Variants in TTC6 observed in about 807,000 individuals in gnomAD.
TTC6 encodes the protein tetratricopeptide repeat domain 6.
TTC6 carries 172 observed loss-of-function variants against 210.4 expected under a neutral mutation model. The observed-to-expected ratio is 0.82, with a 90% confidence interval of 0.72 to 0.93. The LOEUF (loss-of-function observed/expected upper bound fraction) is 0.93. TTC6 is among the 40% of genes least tolerant of loss of function. The pLI is 0.00. For missense variants in TTC6, 2,414 were observed against 2,318.1 expected, an observed-to-expected ratio of 1.04 and a Z score of -0.85; for synonymous variants, 804 against 819.6, an observed-to-expected ratio of 0.98 and a Z score of 0.32.
At chr14:37,744,076 A>AAAG (rs1278275089) in intron 10 of TTC6, among the ~76,000 whole-genome samples, 1 of 152,230 alleles carries the variant, frequency 6.6e-6, no homozygotes, top group Non-Finnish European at 1.5e-5. Context: ...TTATCAGCTT[A>AAAG]AAGTGAAGAG....
intron 27 of TTC6, 104 bp downstream of exon 29, chr14:37,824,061 A>C: frequency 9.3e-7 from 1 of 1,072,162 alleles, no homozygotes; most frequent in Non-Finnish European, 1.4e-6. Flanking sequence ...TTGGTTATGA[A>C]CATTTACCTT....
At chr14:37,831,388 G>A (rs1226050182) in intron 29 of TTC6, among the ~76,000 whole-genome samples, 1 of 152,212 alleles carries the variant, frequency 6.6e-6, no homozygotes, top group African/African-American at 2.4e-5. Flanking sequence ...GCAAACCTGG[G>A]AGTGCAAATA....
At chr14:37,789,911 C>G (rs1033843887) in intron 15 of TTC6, among the ~76,000 whole-genome samples, 3 of 151,914 alleles carry the variant, frequency 2.0e-5, no homozygotes, top group Non-Finnish European at 4.4e-5. Flanking sequence ...AAACTTTGCA[C>G]CTTAAGGCAG....
rs139651697 is a variant in TTC6 at position 37,785,575 on chromosome 14, G to T, written c.3267-1893G>T. On this transcript the variant is annotated intron_variant, in intron 14 of 30. Transcript: ENST00000553443. The stretch of plus-strand genomic sequence containing the variant: ...CTTTGGGTTTGAATATCCTCCTTTA[G>T]CTCAGAGAAGTTTGTTTTTACCGAT... Among the ~76,000 whole-genome samples, 102 of 152,272 alleles carry T rather than the reference G, an allele frequency of 6.7e-4. 2 individuals carry two copies. The East Asian group carries it at 0.017, about 25-fold the overall frequency.
At chr14:37,760,389 C>A (rs774803752) in intron 14 of TTC6, among the ~76,000 whole-genome samples, 7 of 152,164 alleles carry the variant, frequency 4.6e-5, no homozygotes, top group Non-Finnish European at 7.4e-5. Context: ...CCCAGAGGGG[C>A]ACTGGCCTGA....
intron 1 of TTC6, among the ~76,000 whole-genome samples, chr14:37,661,244 G>A (rs2095736746): frequency 6.6e-6 from 1 of 151,984 alleles, no homozygotes; most frequent in Admixed American, 6.6e-5. Flanking sequence ...TCATGTCTTT[G>A]CCATACAATC....
At chr14:37,738,486 T>C (rs1000960970) in intron 9 of TTC6, among the ~76,000 whole-genome samples, 1 of 152,060 alleles carries the variant, frequency 6.6e-6, no homozygotes, top group African/African-American at 2.4e-5. Flanking sequence ...GAGAGCATTC[T>C]CTTTCAATTA....
chr14:37,688,367 G>A (rs1166834686), intron 3 of TTC6, among the ~76,000 whole-genome samples: 1 of 152,130 alleles, frequency 6.6e-6, no homozygotes, highest in Non-Finnish European at 1.5e-5. Context: ...GGGTCTGAGC[G>A]AATTTGCTGC....
At chr14:37,755,269 T>C (rs1279482869) in intron 14 of TTC6, among the ~76,000 whole-genome samples, 1 of 152,228 alleles carries the variant, frequency 6.6e-6, no homozygotes, top group Non-Finnish European at 1.5e-5. Context: ...TTGTAGATTC[T>C]GGATATTAGA....
exon 10 of TTC6, chr14:37,738,964 C>T (rs1459694542): frequency 1.3e-6 from 2 of 1,535,370 alleles, no homozygotes; most frequent in Admixed American, 2.0e-5. Context: ...TAGATGACAT[C>T]TTTGATAACA....
chr14:37,702,943 AC>A (rs1345779752), intron 5 of TTC6, among the ~76,000 whole-genome samples: 10 of 152,162 alleles, frequency 6.6e-5, no homozygotes, highest in Non-Finnish European at 1.5e-4. Context: ...ATAATTTTAT[AC>A]ATCTGAAGTC....
chr14:37,799,933 C>G (rs527584891), intron 20 of TTC6, among the ~76,000 whole-genome samples: 8 of 152,254 alleles, frequency 5.3e-5, no homozygotes, highest in African/African-American at 1.9e-4. Flanking sequence ...TCTGCTTGTT[C>G]GTCAACAATA....
intron 14 of TTC6, among the ~76,000 whole-genome samples, chr14:37,782,677 G>A (rs911709025): frequency 6.6e-6 from 1 of 152,178 alleles, no homozygotes; most frequent in African/African-American, 2.4e-5. Context: ...GAATAGGAGT[G>A]ATGAGAGAGG....
chr14:37,627,562 T>G (rs2095662471), intron 1 of TTC6, among the ~76,000 whole-genome samples: 1 of 152,172 alleles, frequency 6.6e-6, no homozygotes, highest in African/African-American at 2.4e-5. Flanking sequence ...TGTTTGCTTT[T>G]CTGTTCATGT....
chr14:37,825,254 T>C (rs914166111), intron 27 of TTC6, among the ~76,000 whole-genome samples: 2 of 152,198 alleles, frequency 1.3e-5, no homozygotes, highest in African/African-American at 4.8e-5. Flanking sequence ...ATCCTAATAA[T>C]CTAATCTCAA....
intron 1 of TTC6, among the ~76,000 whole-genome samples, chr14:37,599,876 C>T (rs2095612130): frequency 6.6e-6 from 1 of 152,112 alleles, no homozygotes. Flanking sequence ...CGCGGCCGCG[C>T]GCGTCTCCCG....
chr14:37,725,889 C>A (rs1235693677), intron 7 of TTC6, among the ~76,000 whole-genome samples: 1 of 151,892 alleles, frequency 6.6e-6, no homozygotes, highest in African/African-American at 2.4e-5. Context: ...ATGTGGTAAT[C>A]TTTTTCCTTC....
At chr14:37,691,001 A>G (rs575900533) in intron 3 of TTC6, among the ~76,000 whole-genome samples, 77 of 152,262 alleles carry the variant, frequency 5.1e-4, no homozygotes, top group Admixed American at 4.1e-3. Flanking sequence ...CATTAAAAAA[A>G]CCCCACCAAT....
intron 1 of TTC6, among the ~76,000 whole-genome samples, chr14:37,677,724 T>G (rs928154802): frequency 6.6e-6 from 1 of 152,078 alleles, no homozygotes; most frequent in Non-Finnish European, 1.5e-5. Context: ...TTTATTTCAG[T>G]TTTATTTCTC....
Sources: gnomAD v4.1 joint callset for allele counts (sites outside exome capture counted in the v4.1 genomes callset) on GRCh38, gnomAD v4.1.1 for gene constraint, MANE v1.5 for transcripts, NCBI Gene and HGNC (gene_info 2026-07-23, HGNC 2026-07-21) for gene names.